VPS4B: variants seen among roughly 807,000 people sequenced by gnomAD.
VPS4B encodes vacuolar protein sorting 4 homolog B.
A neutral mutation model predicts 56.1 loss-of-function variants in VPS4B; 23 were observed. The observed-to-expected ratio is 0.41, with a 90% confidence interval of 0.30 to 0.58. The LOEUF (loss-of-function observed/expected upper bound fraction) is 0.58. Among genes scored for constraint, VPS4B ranks in the 20% least tolerant of loss-of-function variants. The pLI is 0.29. For missense variants in VPS4B, 372 were observed against 531.9 expected (o/e 0.70, Z 2.96); for synonymous variants, 177 against 186.0 (o/e 0.95, Z 0.39).
intron 6 of VPS4B, 121 bp downstream of exon 6, chr18:63,400,426 A>G (rs1485096638): frequency 6.8e-6 from 8 of 1,182,108 alleles, no homozygotes; most frequent in Non-Finnish European, 9.2e-6. Context: ...TTGACAGAGA[A>G]GTGAGTACCT....
chr18:63,409,184 C>A (rs1033265346), intron 3 of VPS4B, among the ~76,000 whole-genome samples: 1 of 152,216 alleles, frequency 6.6e-6, no homozygotes, highest in African/African-American at 2.4e-5. Context: ...GTTCCCCGAT[C>A]ACATCTTGAA....
At chr18:63,397,983 AATC>A (rs1236754780) in intron 8 of VPS4B, among the ~76,000 whole-genome samples, 1 of 152,140 alleles carries the variant, frequency 6.6e-6, no homozygotes, top group Non-Finnish European at 1.5e-5. Context: ...TGCTGGCGCA[AATC>A]ATCAAGTGAA....
intron 10 of VPS4B, among the ~76,000 whole-genome samples, chr18:63,391,925 G>C (rs1341990182): frequency 6.6e-6 from 1 of 151,966 alleles, no homozygotes; most frequent in Non-Finnish European, 1.5e-5. Context: ...TCCTGTAAAA[G>C]GATATGAAAA....
intron 1 of VPS4B, among the ~76,000 whole-genome samples, chr18:63,417,136 T>C (rs1424377448): frequency 6.6e-6 from 1 of 152,202 alleles, no homozygotes; most frequent in African/African-American, 2.4e-5. Flanking sequence ...ATCTTCTTCC[T>C]TTTGGTTACT....
intron 3 of VPS4B, among the ~76,000 whole-genome samples, chr18:63,409,286 T>C (rs1568088778): frequency 2.0e-5 from 3 of 152,222 alleles, no homozygotes; most frequent in African/African-American, 7.2e-5. Context: ...GGTTCTTATA[T>C]TCCTCATGTA....
intron 4 of VPS4B, among the ~76,000 whole-genome samples, chr18:63,405,862 T>G (rs1033685321): frequency 1.3e-5 from 2 of 151,614 alleles, no homozygotes; most frequent in Non-Finnish European, 2.9e-5. Flanking sequence ...GGTGTGTGCC[T>G]GTGTTCCCAG....
intron 4 of VPS4B, among the ~76,000 whole-genome samples, chr18:63,407,046 C>T (rs533542569): frequency 5.3e-5 from 8 of 152,302 alleles, no homozygotes; most frequent in South Asian, 4.1e-4. Flanking sequence ...GCTACAGCAA[C>T]GGCAATAAAA....
Position 63,418,360 on chromosome 18 carries a change from C to A in VPS4B, c.27+3873G>T, listed in dbSNP as rs74808134. Among the ~76,000 whole-genome samples, 1,470 of 152,236 alleles carry A rather than the reference C, an allele frequency of 9.7e-3. 19 individuals carry two copies. The highest frequency in any genetic ancestry group is 0.034 in the African/African-American group (1,404 of 41,526). ...AGCATTTAACACACACAACAAATAC[C>A]CTGACAGTGTCTCCTTGCCTGGCTG... is the stretch of plus-strand genomic sequence containing the variant. On this transcript the variant is annotated intron_variant, in intron 1 of 10. Coordinates refer to ENST00000238497, the MANE Select transcript of VPS4B (RefSeq NM_004869.4).
chr18:63,406,757 T>C (rs371119816), intron 4 of VPS4B, among the ~76,000 whole-genome samples: 4 of 152,348 alleles, frequency 2.6e-5, no homozygotes, highest in South Asian at 2.1e-4. Flanking sequence ...TATTGCTCAT[T>C]TCTATTTTAG....
chr18:63,408,308 G>A (rs374383676), intron 3 of VPS4B, among the ~76,000 whole-genome samples: 4 of 152,210 alleles, frequency 2.6e-5, no homozygotes, highest in South Asian at 2.1e-4. Flanking sequence ...GGAGATAAAA[G>A]CATGACATGT....
At chr18:63,405,951 AC>A (rs1915908743) in intron 4 of VPS4B, among the ~76,000 whole-genome samples, 1 of 152,000 alleles carries the variant, frequency 6.6e-6, no homozygotes, top group Non-Finnish European at 1.5e-5. Context: ...GCGCCACTGC[AC>A]TCCAGCCTGG....
chr18:63,394,922 G>A (rs1915636202), intron 9 of VPS4B, among the ~76,000 whole-genome samples: 1 of 152,140 alleles, frequency 6.6e-6, no homozygotes, highest in African/African-American at 2.4e-5. Flanking sequence ...AGGGATTTTT[G>A]TCTTTTTTGA....
intron 1 of VPS4B, among the ~76,000 whole-genome samples, 156 bp downstream of exon 1, chr18:63,422,077 G>A (rs1001492156): frequency 6.6e-6 from 1 of 152,134 alleles, no homozygotes; most frequent in Non-Finnish European, 1.5e-5. Flanking sequence ...GTTGGAAAAC[G>A]GGCCCCTCTC....
At chr18:63,404,943 A>G (rs1915884626) in intron 4 of VPS4B, among the ~76,000 whole-genome samples, 1 of 152,196 alleles carries the variant, frequency 6.6e-6, no homozygotes, top group Non-Finnish European at 1.5e-5. Flanking sequence ...AGAAAAAAGT[A>G]AATTCATTTC....
chr18:63,393,985 C>T, intron 9 of VPS4B, among the ~76,000 whole-genome samples: 1 of 152,138 alleles, frequency 6.6e-6, no homozygotes, highest in East Asian at 1.9e-4. Flanking sequence ...GATCCGCCAG[C>T]CTCGGCCTCC....
chr18:63,411,545 C>T lies in VPS4B; in HGVS notation c.61G>A (p.Glu21Lys). The T allele has an allele frequency of 6.2e-7, 1 of 1,601,666 alleles. No homozygotes were observed. Among genetic ancestry groups the T allele is most frequent in the Non-Finnish European group, 8.5e-7 (1 of 1,173,528 alleles). Residue 21 changes from glutamate (E) to lysine (K), a missense_variant, in exon 2 of 11, where the codon GAA (glutamate) becomes AAA (lysine). By Grantham distance (56) the Glu-to-Lys change is moderately conservative. Coordinates refer to ENST00000238497, the MANE Select transcript of VPS4B (RefSeq NM_004869.4). ...AIDLASKAAQ[E>K]DKAGNYEEAL... ...TCTTCGTAGTTCCCAGCCTTGTCTT[C>T]TTGCGCTGCTTTGCTAGCCAGATCT...
intron 1 of VPS4B, 27 bp downstream of exon 1, chr18:63,422,206 A>G (rs371890377): frequency 6.7e-7 from 1 of 1,481,754 alleles, no homozygotes; most frequent in Non-Finnish European, 9.0e-7. Flanking sequence ...CCAGCTCCCT[A>G]GGGGGACGGG....
At chr18:63,411,435 G>A (rs1916042204) in intron 2 of VPS4B, 32 bp downstream of exon 2, 1 of 1,419,972 alleles carries the variant, frequency 7.0e-7, no homozygotes, top group Admixed American at 2.5e-5. Context: ...TCCTTTTCGT[G>A]TTTTTAAATA....
intron 10 of VPS4B, among the ~76,000 whole-genome samples, chr18:63,392,749 T>A (rs547819473): frequency 7.9e-6 from 1 of 127,276 alleles, no homozygotes; most frequent in African/African-American, 3.0e-5. Flanking sequence ...TACCTGGCCC[T>A]ATTTTTTGTT....
Sources: allele counts gnomAD v4.1 joint callset (sites outside exome capture counted in the v4.1 genomes callset), GRCh38; gene constraint gnomAD v4.1.1; transcripts MANE v1.5; gene names NCBI Gene and HGNC (gene_info 2026-07-23, HGNC 2026-07-21).